The following NALCN variants were observed in gnomAD, a reference collection of about 807,000 sequenced individuals.
The protein encoded by NALCN is sodium leak channel NALCN.
NALCN carries 111 observed loss-of-function variants against 225.3 expected under a neutral mutation model. The ratio of observed to expected loss-of-function variants is 0.49; its 90% confidence interval spans 0.42 to 0.58. NALCN has a LOEUF of 0.58. NALCN is among the 20% of genes least tolerant of loss of function. The pLI, the probability that NALCN is intolerant of heterozygous loss-of-function variation, is 0.00. For missense variants in NALCN, 1,378 were observed against 2,202.4 expected, an observed-to-expected ratio of 0.63 and a Z score of 7.49; for synonymous variants, 764 against 769.0, an observed-to-expected ratio of 0.99 and a Z score of 0.11.
chr13:101,150,894 T>G (rs1410617061), intron 15 of NALCN, among the ~76,000 whole-genome samples: 1 of 152,128 alleles, frequency 6.6e-6, no homozygotes, highest in Non-Finnish European at 1.5e-5. Flanking sequence ...GTGTAGAGAA[T>G]CCTAGGATTT....
chr13:101,298,138 T>C (rs1376445297), intron 7 of NALCN, among the ~76,000 whole-genome samples: 1 of 152,214 alleles, frequency 6.6e-6, no homozygotes, highest in Admixed American at 6.5e-5. Flanking sequence ...TAGATACTTA[T>C]TTGCTCAACT....
chr13:101,177,605 G>C (rs2039015440), intron 14 of NALCN, among the ~76,000 whole-genome samples: 1 of 151,556 alleles, frequency 6.6e-6, no homozygotes, highest in Non-Finnish European at 1.5e-5. Context: ...TTTTAGAACA[G>C]GTAAATAAAA....
intron 7 of NALCN, among the ~76,000 whole-genome samples, chr13:101,332,638 A>G (rs1409810358): frequency 6.6e-6 from 1 of 152,236 alleles, no homozygotes; most frequent in Non-Finnish European, 1.5e-5. Flanking sequence ...AAGGTGGCAC[A>G]CTTAACTTAT....
At chr13:101,313,200 T>TAA (rs2044417941) in intron 7 of NALCN, among the ~76,000 whole-genome samples, 1 of 152,084 alleles carries the variant, frequency 6.6e-6, no homozygotes. Flanking sequence ...ATTAAAGACT[T>TAA]ACGTGTTAGA....
At chr13:101,277,330 C>T (rs1433213971) in intron 10 of NALCN, among the ~76,000 whole-genome samples, 6 of 152,010 alleles carry the variant, frequency 3.9e-5, no homozygotes, top group Admixed American at 3.9e-4. Context: ...GAACTTGAGC[C>T]AGCTTCCAAT....
intron 7 of NALCN, among the ~76,000 whole-genome samples, chr13:101,344,952 T>C (rs1468251823): frequency 6.6e-6 from 1 of 152,162 alleles, no homozygotes; most frequent in Non-Finnish European, 1.5e-5. Flanking sequence ...TATCTTTGAG[T>C]CAACAACCCA....
intron 10 of NALCN, among the ~76,000 whole-genome samples, chr13:101,266,320 C>T (rs2042596598): frequency 6.6e-6 from 1 of 151,930 alleles, no homozygotes; most frequent in African/African-American, 2.4e-5. Context: ...TGAAATGGAC[C>T]GTGAACATTT....
intron 7 of NALCN, among the ~76,000 whole-genome samples, chr13:101,334,209 C>T (rs184858227): frequency 1.1e-3 from 168 of 152,090 alleles, no homozygotes; most frequent in Non-Finnish European, 1.9e-3. Flanking sequence ...CACTCCCAGA[C>T]GGTGGGACAC....
At chr13:101,249,817 T>A (rs905997785) in intron 11 of NALCN, among the ~76,000 whole-genome samples, 7 of 152,022 alleles carry the variant, frequency 4.6e-5, no homozygotes, top group Non-Finnish European at 8.8e-5. Context: ...AGCATTCGTA[T>A]CAAAATATAG....
intron 1 of NALCN, among the ~76,000 whole-genome samples, chr13:101,403,447 T>C (rs1171030695): frequency 5.9e-5 from 9 of 152,222 alleles, no homozygotes; most frequent in Non-Finnish European, 1.3e-4. Flanking sequence ...CTCTTTGTTA[T>C]CCAATGCCAA....
chr13:101,358,501 T>A (rs1407718662), intron 6 of NALCN, among the ~76,000 whole-genome samples: 5 of 152,156 alleles, frequency 3.3e-5, no homozygotes, highest in African/African-American at 7.2e-5. Context: ...TGCAGTACCA[T>A]TTCACACCAG....
At chr13:101,244,174 C>CAAAA (rs11453883) in intron 11 of NALCN, among the ~76,000 whole-genome samples, 1 of 147,720 alleles carries the variant, frequency 6.8e-6, no homozygotes, top group Non-Finnish European at 1.5e-5. Flanking sequence ...ATTTTCATTC[C>CAAAA]AAAAAAAAAG....
At chr13:101,352,567 C>G (rs1019250217) in intron 6 of NALCN, among the ~76,000 whole-genome samples, 3 of 152,018 alleles carry the variant, frequency 2.0e-5, no homozygotes, top group African/African-American at 7.2e-5. Flanking sequence ...TGTTATCATA[C>G]AAAAGCAATT....
chr13:101,166,200 A>G (rs968422690), intron 15 of NALCN, among the ~76,000 whole-genome samples: 2 of 152,220 alleles, frequency 1.3e-5, no homozygotes, highest in African/African-American at 4.8e-5. Flanking sequence ...AAATACTGCA[A>G]TGAACATGAG....
intron 14 of NALCN, among the ~76,000 whole-genome samples, chr13:101,183,091 A>G (rs1173451879): frequency 2.6e-5 from 4 of 152,140 alleles, no homozygotes; most frequent in African/African-American, 7.2e-5. Context: ...AGGAAGAACC[A>G]TTTTTCAGTT....
chr13:101,251,271 AT>A (rs1382730434), intron 11 of NALCN, among the ~76,000 whole-genome samples: 1 of 152,134 alleles, frequency 6.6e-6, no homozygotes, highest in Non-Finnish European at 1.5e-5. Context: ...GAACAAATAA[AT>A]TCATGCTTCA....
At chr13:101,072,648 A>G (rs552477427) in intron 37 of NALCN, among the ~76,000 whole-genome samples, 2 of 152,268 alleles carry the variant, frequency 1.3e-5, no homozygotes, top group African/African-American at 4.8e-5. Context: ...ACTGTGTGCT[A>G]GGTTTGTGCC....
chr13:101,316,122 G>C (rs999138254), intron 7 of NALCN, among the ~76,000 whole-genome samples: 3 of 152,120 alleles, frequency 2.0e-5, no homozygotes, highest in Non-Finnish European at 1.5e-5. Context: ...AAGATACTTA[G>C]ATCATATATG....
chr13:101,234,560 G>A (rs991059054), intron 12 of NALCN, among the ~76,000 whole-genome samples: 8 of 152,184 alleles, frequency 5.3e-5, no homozygotes, highest in Admixed American at 5.2e-4. Context: ...TGGTACAGTG[G>A]ATTCTCCACA....
Sources: gnomAD v4.1 joint callset for allele counts (sites outside exome capture counted in the v4.1 genomes callset) on GRCh38, gnomAD v4.1.1 for gene constraint, MANE v1.5 for transcripts, NCBI Gene and HGNC (gene_info 2026-07-23, HGNC 2026-07-21) for gene names.